Variants in SYN3 observed in about 807,000 individuals in gnomAD.
The protein encoded by SYN3 is synapsin III.
Under a neutral mutation model 65.8 loss-of-function variants are expected in SYN3, and 35 were observed. The ratio of observed to expected loss-of-function variants is 0.53; its 90% CI spans 0.41 to 0.70. The LOEUF (loss-of-function observed/expected upper bound fraction) is 0.70, where lower values mean the gene tolerates loss of function less well. Among genes scored for constraint, SYN3 ranks in the 30% least tolerant of loss-of-function variants. The probability of loss-of-function intolerance (pLI) is 0.00; values close to 1 mark genes in which losing one functional copy is unlikely to be tolerated. For missense variants in SYN3, 680 were observed against 749.0 expected, an observed-to-expected ratio of 0.91 and a Z score of 1.08; for synonymous variants, 270 against 292.9, an observed-to-expected ratio of 0.92 and a Z score of 0.80.
At chr22:32,996,247 T>C (rs1352516601) in intron 2 of SYN3, among the ~76,000 whole-genome samples, 2 of 152,078 alleles carry the variant, frequency 1.3e-5, no homozygotes, top group Non-Finnish European at 2.9e-5. Context: ...AGTGGTTGCA[T>C]AGGAAAGGCA....
intron 3 of SYN3, among the ~76,000 whole-genome samples, chr22:32,948,615 T>G (rs1044349017): frequency 1.3e-5 from 2 of 151,970 alleles, no homozygotes; most frequent in African/African-American, 4.8e-5. Flanking sequence ...CGGGTGCCTG[T>G]AGTCTCAGCT....
chr22:32,987,128 A>G (rs1271919586), intron 2 of SYN3, among the ~76,000 whole-genome samples: 3 of 152,146 alleles, frequency 2.0e-5, no homozygotes, highest in Non-Finnish European at 4.4e-5. Context: ...TGTCCTTCCA[A>G]GGAAGGAGAG....
intron 6 of SYN3, among the ~76,000 whole-genome samples, chr22:32,602,462 G>GTTTA (rs2059299094): frequency 3.3e-5 from 5 of 151,110 alleles, no homozygotes; most frequent in African/African-American, 1.2e-4. Flanking sequence ...TGTTTTGTTT[G>GTTTA]TTTGTTTGTT....
intron 6 of SYN3, among the ~76,000 whole-genome samples, chr22:32,731,495 T>C (rs3788488): frequency 0.2 from 30,862 of 152,168 alleles, 3,851 homozygotes; most frequent in South Asian, 0.36. Context: ...AAGATACAGC[T>C]TCATAAAAGC....
chr22:32,585,258 G>A (rs2059006564), intron 7 of SYN3, among the ~76,000 whole-genome samples: 2 of 152,156 alleles, frequency 1.3e-5, no homozygotes, highest in African/African-American at 4.8e-5. Flanking sequence ...AGAGGCCCAG[G>A]GAAGTTAAGA....
intron 4 of SYN3, among the ~76,000 whole-genome samples, chr22:32,914,439 T>C (rs1601684870): frequency 3.3e-4 from 1 of 3,068 alleles, no homozygotes; most frequent in South Asian, 0.014. Context: ...TCATGTGGAG[T>C]TTTTTTTTTT....
At chr22:32,671,613 GCT>G (rs1391764543) in intron 6 of SYN3, among the ~76,000 whole-genome samples, 25 of 133,446 alleles carry the variant, frequency 1.9e-4, no homozygotes, top group African/African-American at 7.3e-4. Context: ...GTGCACACAC[GCT>G]CTCACACAGG....
intron 1 of SYN3, among the ~76,000 whole-genome samples, chr22:33,017,788 A>T (rs527389387): frequency 2.9e-4 from 41 of 143,464 alleles, no homozygotes; most frequent in African/African-American, 9.9e-4. Flanking sequence ...AATCTTTAGG[A>T]TTTTCTATAT....
intron 6 of SYN3, among the ~76,000 whole-genome samples, chr22:32,686,590 A>ATTTTT (rs149862418): frequency 4.1e-5 from 3 of 72,336 alleles, no homozygotes; most frequent in Admixed American, 1.8e-4. Context: ...CTGCTCCTCC[A>ATTTTT]TTTTTTTTTT....
chr22:32,554,224 T>C (rs2058458410), intron 7 of SYN3, among the ~76,000 whole-genome samples: 1 of 152,112 alleles, frequency 6.6e-6, no homozygotes, highest in South Asian at 2.1e-4. Context: ...TTCCTGCTGC[T>C]TGGAACAATT....
At chr22:32,642,166 G>C (rs533904535) in intron 6 of SYN3, among the ~76,000 whole-genome samples, 480 of 151,998 alleles carry the variant, frequency 3.2e-3, no homozygotes, top group Non-Finnish European at 4.6e-3. Flanking sequence ...GCAAGCGCCT[G>C]TAATCCCAGC....
At chr22:32,876,350 G>T (rs182290691) in intron 4 of SYN3, among the ~76,000 whole-genome samples, 3 of 151,956 alleles carry the variant, frequency 2.0e-5, no homozygotes, top group African/African-American at 7.3e-5. Context: ...ATAAATTTTG[G>T]GGGGACACAC....
chr22:32,610,678 T>C (rs2059430669), intron 6 of SYN3, among the ~76,000 whole-genome samples: 1 of 152,072 alleles, frequency 6.6e-6, no homozygotes, highest in Admixed American at 6.6e-5. Context: ...CCCCTCCAGA[T>C]GTCAAGCAAT....
At chr22:32,871,550 G>A (rs1013202380) in intron 4 of SYN3, among the ~76,000 whole-genome samples, 6 of 152,042 alleles carry the variant, frequency 3.9e-5, no homozygotes, top group Non-Finnish European at 7.4e-5. Flanking sequence ...GTGCCTTATC[G>A]TGGCTACAAG....
chr22:32,555,300 C>T lies in SYN3; in HGVS notation c.775-13587G>A, dbSNP rs553085341. On this transcript the variant is annotated intron_variant, in intron 7 of 13. Coordinates refer to ENST00000358763, the MANE Select transcript of SYN3 (RefSeq NM_003490.4). ...TTGAAGAGGGGACATCCCATCTCCC[C>T]TGAGAGAGGAACACAAGGAGTGAGG... Among the ~76,000 whole-genome samples the T allele has an allele frequency of 7.2e-5, 11 of 152,290 alleles. No individual in the cohort carries two copies. In the South Asian group the frequency reaches 2.3e-3, roughly 32 times the overall value.
intron 6 of SYN3, among the ~76,000 whole-genome samples, chr22:32,758,486 A>T (rs1432926419): frequency 6.7e-6 from 1 of 150,166 alleles, no homozygotes; most frequent in African/African-American, 2.5e-5. Flanking sequence ...AAGCAGGCAG[A>T]AAAATGTGAA....
At chr22:32,917,409 T>C (rs1185484509) in intron 4 of SYN3, among the ~76,000 whole-genome samples, 1 of 152,188 alleles carries the variant, frequency 6.6e-6, no homozygotes, top group Non-Finnish European at 1.5e-5. Context: ...AAAGGGAGGA[T>C]GAAATGTCCT....
rs1157888116 is a variant in SYN3 at position 32,513,032 on chromosome 22, G to C, written c.*660C>G. 6.6e-6 allele frequency: 1 copy of C among 152,084 alleles called. No individual in the cohort carries two copies. Among genetic ancestry groups the C allele is most frequent in the Non-Finnish European group, 1.5e-5 (1 of 67,994 alleles). The allele number at this position is 152,084 out of a possible 1,614,324, so 9.4% of individuals were successfully genotyped here. A position where few individuals can be genotyped will look rare whatever the true frequency, so the allele number is the denominator to read the frequency against. ...TGAGTGGCATTACAAGGGCCCCCCT[G>C]TTTCTGTCGTGTTCTGAAAGACCCC... is the stretch of plus-strand genomic sequence containing the variant. On this transcript the variant is annotated 3_prime_UTR_variant, in exon 14 of 14. Transcript: ENST00000358763.
Position 32,590,364 on chromosome 22 carries a change from G to T in SYN3, c.774+6310C>A, listed in dbSNP as rs112476240. ...TGTGTTTGTGAGATTCATTCAAGTT[G>T]CTATATGTAGTTGTAGTTCATTAAT... On this transcript the variant is annotated intron_variant, in intron 7 of 13. Transcript: ENST00000358763. 7.5e-3 allele frequency among the ~76,000 whole-genome samples: 1,148 copies of T among 152,222 alleles called. 20 individuals carry two copies. Among genetic ancestry groups the T allele is most frequent in the African/African-American group, 0.026 (1,093 of 41,538 alleles).
Sources: gnomAD v4.1 joint callset for allele counts (sites outside exome capture counted in the v4.1 genomes callset) on GRCh38, gnomAD v4.1.1 for gene constraint, MANE v1.5 for transcripts, NCBI Gene and HGNC (gene_info 2026-07-23, HGNC 2026-07-21) for gene names.